The following MROH1 variants were observed in gnomAD, a reference collection of about 807,000 sequenced individuals.
MROH1 encodes maestro heat like repeat family member 1.
MROH1 carries 117 observed loss-of-function variants against 116.5 expected under a neutral mutation model. The ratio of observed to expected loss-of-function variants is 1.00; its 90% CI spans 0.86 to 1.17. MROH1 has a LOEUF of 1.17. Ranked by LOEUF, MROH1 falls within the 50% of genes most tolerant of loss-of-function variation. MROH1 has a pLI of 0.00. For synonymous variants in MROH1, 921 were observed against 583.9 expected, an observed-to-expected ratio of 1.58 and a Z score of -8.32; for missense variants, 1,873 against 1,338.5, an observed-to-expected ratio of 1.40 and a Z score of -6.23.
chr8:144,156,852 G>C (rs1207540970), intron 1 of MROH1, among the ~76,000 whole-genome samples: 1 of 144,514 alleles, frequency 6.9e-6, no homozygotes, highest in African/African-American at 2.6e-5. Context: ...GTGCTATCTC[G>C]GCTCATTGCA....
At chr8:144,212,063 A>G (rs1315420597) in intron 12 of MROH1, among the ~76,000 whole-genome samples, 2 of 103,386 alleles carry the variant, frequency 1.9e-5, no homozygotes, top group African/African-American at 3.9e-5. Context: ...TTTAGTGAGA[A>G]GCTGTGTTGT....
rs1256595366 is a variant in MROH1, at chr8:144,220,585, G to A, written c.1142-15G>A. ...TCTCAGTGGTAGGCTGAGCTGTCCT[G>A]TTTGTTTCTTGCAGCTGCTCAGATG... On this transcript the variant is annotated splice_polypyrimidine_tract_variant and intron_variant, in intron 12 of 43. Transcript: ENST00000326134. 1.3e-6 allele frequency: 2 copies of A among 1,563,488 alleles called. No individual in the cohort carries two copies. Among genetic ancestry groups the A allele is most frequent in the African/African-American group, 2.7e-5 (2 of 73,654 alleles).
intron 12 of MROH1, among the ~76,000 whole-genome samples, chr8:144,207,917 AG>A (rs1833197612): frequency 2.0e-5 from 3 of 149,816 alleles, no homozygotes; most frequent in South Asian, 2.1e-4. Flanking sequence ...AGTGAAATGT[AG>A]GGGGCAAGGT....
At position 144,208,969 on chromosome 8, in the gene MROH1, C is replaced by A. The variant is rs1833466450; in HGVS notation, c.1141+8428C>A. Among the ~76,000 whole-genome samples the A allele has an allele frequency of 2.6e-5, 4 of 151,980 alleles. No homozygotes were observed. In the South Asian group the frequency reaches 8.3e-4, roughly 32 times the overall value. Reference sequence around the variant, plus strand: ...GAACTCCTGATCTCAGGTGATCCACCTGCCTCAGCCTCCCAAAGTGCTGGC... The same window carrying A: ...GAACTCCTGATCTCAGGTGATCCACATGCCTCAGCCTCCCAAAGTGCTGGC... On this transcript the variant is annotated intron_variant, in intron 12 of 43. Transcript: ENST00000326134.
intron 31 of MROH1, 127 bp downstream of exon 31, chr8:144,247,806 A>C (rs1235278728): frequency 1.0e-5 from 7 of 690,058 alleles, no homozygotes; most frequent in African/African-American, 8.8e-5. Context: ...GGGCATGAGC[A>C]GGGCCTGGGT....
At chr8:144,151,626 T>C (rs1213054904) in intron 1 of MROH1, among the ~76,000 whole-genome samples, 1 of 152,138 alleles carries the variant, frequency 6.6e-6, no homozygotes, top group Non-Finnish European at 1.5e-5. Context: ...GAACCCGGGA[T>C]ACAAAAAGCC....
At chr8:144,160,497 A>C (rs1819247547) in intron 1 of MROH1, among the ~76,000 whole-genome samples, 1 of 152,232 alleles carries the variant, frequency 6.6e-6, no homozygotes, top group African/African-American at 2.4e-5. Context: ...CATTATCACA[A>C]ACTTAGTGCC....
rs555479101 is a variant in MROH1 at position 144,163,115 on chromosome 8, C to T, written c.-56-656C>T. Among the ~76,000 whole-genome samples, 29 of 152,262 alleles carry T rather than the reference C, an allele frequency of 1.9e-4. No individual in the cohort carries two copies. Among genetic ancestry groups the T allele is most frequent in the Middle Eastern group, 3.4e-3 (1 of 294 alleles). ...GTCAGGGATGGGTCATGGTGTCTCT[C>T]CTTCATTTTTCTCTGGAGTATGTTA... On this transcript the variant is annotated intron_variant, in intron 2 of 43. Transcript: ENST00000326134. The surrounding 1 kb of genome is among the most constrained non-coding windows in gnomAD (Gnocchi z 4.4).
intron 33 of MROH1, chr8:144,254,581 G>C (rs1421422103): frequency 1.8e-6 from 1 of 553,178 alleles, no homozygotes; most frequent in East Asian, 3.1e-5. Flanking sequence ...TGTGTGTATA[G>C]GCCCAGATTT....
At chr8:144,212,076 T>TTTTG (rs56029728) in intron 12 of MROH1, among the ~76,000 whole-genome samples, 9,065 of 151,108 alleles carry the variant, frequency 0.06, 389 homozygotes, top group African/African-American at 0.12. Context: ...TGTGTTGTTT[T>TTTTG]TTTGTTTGTT....
At chr8:144,177,142 G>A (rs180793283) in intron 4 of MROH1, among the ~76,000 whole-genome samples, 99 of 152,330 alleles carry the variant, frequency 6.5e-4, no homozygotes, top group Non-Finnish European at 1.2e-3. Flanking sequence ...ACTCCCACTC[G>A]TGGGCCTGGG....
At chr8:144,244,572 A>G (rs1427513338) in intron 28 of MROH1, 33 bp downstream of exon 28, 1 of 727,728 alleles carries the variant, frequency 1.4e-6, no homozygotes, top group Non-Finnish European at 2.6e-6. Context: ...GGGGATGGGG[A>G]TGGGGGCACA....
In MROH1 at chr8:144,176,536, G is replaced by GAA. The variant is rs113841473; in HGVS notation, c.169-2904_169-2903dup. On this transcript the variant is annotated intron_variant, in intron 4 of 43. Transcript: ENST00000326134. ...GGTGATGGAGTGAGACCCTGACTCA[G>GAA]AAAAAAAAAAAAAAAAGAAATTTGG... Among the ~76,000 whole-genome samples, 328 of 129,522 alleles carry GAA rather than the reference G, an allele frequency of 2.5e-3. 1 individual carries two copies. Among genetic ancestry groups the GAA allele is most frequent in the East Asian group, 5.7e-3 (25 of 4,392 alleles). The allele number at this position is 129,522 out of a possible 152,430, so 85.0% of individuals were successfully genotyped here. A position where few individuals can be genotyped will look rare whatever the true frequency, so the allele number is the denominator to read the frequency against.
chr8:144,238,721 G>A (rs923359206), intron 14 of MROH1, 35 bp from the exon 15 acceptor site: 54 of 765,166 alleles, frequency 7.1e-5, no homozygotes, highest in East Asian at 5.8e-4. Flanking sequence ...AGCCATGGCC[G>A]CCCACGCACG....
intron 35 of MROH1, 34 bp from the exon 36 acceptor site, chr8:144,258,743 G>C (rs1310988340): frequency 2.7e-6 from 2 of 750,344 alleles, no homozygotes; most frequent in Non-Finnish European, 2.5e-6. Flanking sequence ...AGGCGTGTGT[G>C]CCCTACCAGC....
chr8:144,260,637 C>T (rs1844863761), intron 39 of MROH1, 40 bp from the exon 40 acceptor site: 4 of 773,976 alleles, frequency 5.2e-6, no homozygotes, highest in African/African-American at 1.7e-5. Context: ...CCTGCAGGGG[C>T]ACAGCCTGTG....
Position 144,240,585 on chromosome 8 carries a change from C to T in MROH1, c.1843C>T (p.Leu615=), listed in dbSNP as rs1384379736. 2.8e-6 allele frequency: 2 copies of T among 717,264 alleles called. No homozygotes were observed. The highest frequency in any genetic ancestry group is 5.4e-5 in the East Asian group (2 of 37,298). 44.4% of individuals were successfully genotyped at this position (717,264 alleles called of 1,614,324 possible). A position where few individuals can be genotyped will look rare whatever the true frequency, so the allele number is the denominator to read the frequency against. Reference sequence around the variant, plus strand: ...TGGCCTGCAGTTCCTGCGAGACACCCTGGCCATCATTTCTGACAACGCGTG... The same window carrying T: ...TGGCCTGCAGTTCCTGCGAGACACCTTGGCCATCATTTCTGACAACGCGTG... ...EKLLMFLRDT[L]AIISDNAWIC... Residue 615 remains leucine (L), a synonymous_variant, in exon 20 of 44, where the codon CTG becomes TTG. Coordinates refer to ENST00000326134, the MANE Select transcript of MROH1 (RefSeq NM_032450.3).
In MROH1 at chr8:144,238,752, C is replaced by G; in HGVS notation, c.1339-4C>G. The G allele has an allele frequency of 1.3e-6, 1 of 771,464 alleles. No individual in the cohort carries two copies. The highest frequency in any genetic ancestry group is 1.7e-5 in the Admixed American group (1 of 59,016). 47.8% of individuals were successfully genotyped at this position (771,464 alleles called of 1,614,324 possible). On this transcript the variant is annotated splice_polypyrimidine_tract_variant and splice_region_variant and intron_variant, in intron 14 of 43. Transcript: ENST00000326134. Reference sequence around the variant, plus strand: ...GCACGCCTTTGCCTTTTGCCTTCCTCCAGCCTGAGAAGCCAGGCCCCGGCA... The same window carrying G: ...GCACGCCTTTGCCTTTTGCCTTCCTGCAGCCTGAGAAGCCAGGCCCCGGCA...
intron 7 of MROH1, among the ~76,000 whole-genome samples, chr8:144,188,995 G>A (rs998735746): frequency 1.3e-5 from 2 of 152,196 alleles, no homozygotes; most frequent in African/African-American, 4.8e-5. Context: ...CATACACACA[G>A]AAAGGTGATT....
Sources: gnomAD v4.1 joint callset for allele counts (sites outside exome capture counted in the v4.1 genomes callset) on GRCh38, gnomAD v4.1.1 for gene constraint, Gnocchi (gnomAD v3.1) non-coding constraint, MANE v1.5 for transcripts, NCBI Gene and HGNC (gene_info 2026-07-23, HGNC 2026-07-21) for gene names.